The following YEATS2 variants were observed in gnomAD, a reference collection of about 807,000 sequenced individuals.
YEATS2 encodes YEATS domain containing 2, also known as YEATS domain-containing protein 2.
A neutral mutation model predicts 163.2 loss-of-function variants in YEATS2; 77 were observed. The ratio of observed to expected loss-of-function variants is 0.47; its 90% CI spans 0.39 to 0.57. YEATS2 has a LOEUF of 0.57. Among genes scored for constraint, YEATS2 ranks in the 20% least tolerant of loss-of-function variants. YEATS2 has a pLI of 0.00. For synonymous variants in YEATS2, 631 were observed against 645.1 expected (o/e 0.98, Z 0.33); for missense variants, 1,549 against 1,729.8 (o/e 0.90, Z 1.85).
At chr3:183,802,882 A>C (rs1037905253) in intron 25 of YEATS2, 1 of 173,080 alleles carries the variant, frequency 5.8e-6, no homozygotes, top group Admixed American at 6.1e-5. Flanking sequence ...GTGAGCTGAG[A>C]TCACATCACC....
chr3:183,798,695 T>C (rs746485236), intron 22 of YEATS2, among the ~76,000 whole-genome samples, 196 bp from the exon 23 acceptor site: 1 of 152,192 alleles, frequency 6.6e-6, no homozygotes, highest in Non-Finnish European at 1.5e-5. Flanking sequence ...CTCCCGTTTC[T>C]ACAGTTGAAG....
chr3:183,803,027 C>A, intron 25 of YEATS2: 1 of 549,712 alleles, frequency 1.8e-6, no homozygotes, highest in South Asian at 2.3e-5. Context: ...ACCTTCTCTA[C>A]CAAAGAAGCA....
rs761158296 is a variant in YEATS2 at position 183,752,154 on chromosome 3, G to A, written c.1051G>A (p.Ala351Thr). The stretch of plus-strand genomic sequence containing the variant: ...GTCCTCGGAGTCTGACATCTCTGAT[G>A]CCCCTCCATCTTTGCCTTTGACCAT... ...PQSSESDISDAPPSLPLTIPA... is the reference protein window; with the variant it reads ...PQSSESDISDTPPSLPLTIPA... The change falls in exon 10 of 31, where the codon GCC becomes ACC. Residue 351 changes from alanine (A) to threonine (T), a missense_variant. Physicochemically the swap from Ala to Thr is moderately conservative, Grantham distance 58. Coordinates refer to ENST00000305135, the MANE Select transcript of YEATS2 (RefSeq NM_018023.5). 5 of 1,613,956 alleles carry A rather than the reference G, an allele frequency of 3.1e-6. No individual in the cohort carries two copies. The highest frequency in any genetic ancestry group is 3.3e-5 in the Admixed American group (2 of 59,994).
At position 183,751,687 on chromosome 3, in the gene YEATS2, C is replaced by T. The variant is rs941999932; in HGVS notation, c.970-386C>T. 2.0e-5 allele frequency among the ~76,000 whole-genome samples: 3 copies of T among 152,226 alleles called. No homozygotes were observed. In the East Asian group the frequency reaches 5.8e-4, roughly 29 times the overall value. ...GAGTAGCTGGGGGATAAGGAAGTAG[C>T]TTATTCTTGGGTGGTTAGGCATGGT... On this transcript the variant is annotated intron_variant, in intron 9 of 30. Transcript: ENST00000305135.
At chr3:183,749,573 A>G (rs1719941389) in intron 9 of YEATS2, among the ~76,000 whole-genome samples, 1 of 152,132 alleles carries the variant, frequency 6.6e-6, no homozygotes, top group South Asian at 2.1e-4. Flanking sequence ...CGCTTTGCAT[A>G]ATGTCCTCAG....
chr3:183,793,343 T>G, intron 21 of YEATS2: 2 of 1,092,762 alleles, frequency 1.8e-6, no homozygotes, highest in Non-Finnish European at 2.3e-6. Context: ...GCTGATTATA[T>G]TTTTCTCTTG....
intron 25 of YEATS2, 33 bp from the exon 26 acceptor site, chr3:183,803,223 T>G: frequency 6.2e-7 from 1 of 1,606,570 alleles, no homozygotes. Context: ...CGTAAGAGCT[T>G]TATTCAGGCT....
At chr3:183,806,469 C>T in intron 27 of YEATS2, 1 of 455,862 alleles carries the variant, frequency 2.2e-6, no homozygotes, top group Non-Finnish European at 4.4e-6. Context: ...AACAGTCCTG[C>T]TCTCTGAGCA....
intron 8 of YEATS2, among the ~76,000 whole-genome samples, chr3:183,740,357 T>G (rs1043433651): frequency 2.6e-4 from 40 of 152,318 alleles, no homozygotes; most frequent in African/African-American, 9.4e-4. Flanking sequence ...GAAAAAATGT[T>G]CATCATCACT....
At position 183,796,668 on chromosome 3, in the gene YEATS2, A is replaced by G. The variant is rs373455689; in HGVS notation, c.3098-1255A>G. 3.3e-5 allele frequency among the ~76,000 whole-genome samples: 5 copies of G among 151,768 alleles called. No individual in the cohort carries two copies. In the East Asian group the frequency reaches 9.6e-4, roughly 29 times the overall value. On this transcript the variant is annotated intron_variant, in intron 21 of 30. Coordinates refer to ENST00000305135, the MANE Select transcript of YEATS2 (RefSeq NM_018023.5). The stretch of plus-strand genomic sequence containing the variant: ...CTAATTTTGGAAATACGTTTTAGGC[A>G]GTCAGGAGCCAGCATAGGTTTTTAA...
chr3:183,797,452 G>A (rs1725259647), intron 21 of YEATS2, among the ~76,000 whole-genome samples: 1 of 151,928 alleles, frequency 6.6e-6, no homozygotes. Flanking sequence ...AGCTGAGACA[G>A]GAGGATCACT....
Position 183,749,826 on chromosome 3 carries a change from T to C in YEATS2, c.969+2110T>C, listed in dbSNP as rs374148732. Among the ~76,000 whole-genome samples, 12 of 152,104 alleles carry C rather than the reference T, an allele frequency of 7.9e-5. No individual in the cohort carries two copies. In the East Asian group the frequency reaches 2.3e-3, roughly 29 times the overall value. Reference sequence around the variant, plus strand: ...ATTTACTTACTCGTTTATTTATTTATTTATTTTTTGAGATGGAGTCTCGCT... The same window carrying C: ...ATTTACTTACTCGTTTATTTATTTACTTATTTTTTGAGATGGAGTCTCGCT... On this transcript the variant is annotated intron_variant, in intron 9 of 30. Transcript: ENST00000305135.
intron 1 of YEATS2, among the ~76,000 whole-genome samples, chr3:183,703,425 C>T (rs139133361): frequency 9.2e-5 from 14 of 152,164 alleles, no homozygotes; most frequent in Non-Finnish European, 2.1e-4. Flanking sequence ...CCTAGAGTTC[C>T]CTTGGTCTGA....
At chr3:183,700,874 T>C (rs981848439) in intron 1 of YEATS2, among the ~76,000 whole-genome samples, 3 of 149,842 alleles carry the variant, frequency 2.0e-5, no homozygotes, top group Non-Finnish European at 4.4e-5. Context: ...ACACAAAAAG[T>C]AGTTGCCAGG....
rs145695473 is a variant in YEATS2 at position 183,810,400 on chromosome 3, A to G, written c.4161-75A>G. The G allele has an allele frequency of 1.4e-3, 1,923 of 1,357,978 alleles. 14 individuals carry two copies. In the African/African-American group the frequency reaches 0.017, roughly 12 times the overall value. The allele number at this position is 1,357,978 out of a possible 1,614,324, so 84.1% of individuals were successfully genotyped here. ...GCCTCTGCCTGGGATGGTCCCTGTG[A>G]TGAGTTAAGTGAATAAATGATGAGA... On this transcript the variant is annotated intron_variant, in intron 30 of 30. Coordinates refer to ENST00000305135, the MANE Select transcript of YEATS2 (RefSeq NM_018023.5).
chr3:183,730,772 A>G (rs1036280604), intron 7 of YEATS2, among the ~76,000 whole-genome samples: 5 of 152,140 alleles, frequency 3.3e-5, no homozygotes, highest in Admixed American at 6.5e-5. Flanking sequence ...CATTCTTAAC[A>G]TCCATATAGA....
intron 9 of YEATS2, among the ~76,000 whole-genome samples, 186 bp downstream of exon 9, chr3:183,747,902 C>T (rs1449998517): frequency 6.6e-6 from 1 of 151,840 alleles, no homozygotes; most frequent in Non-Finnish European, 1.5e-5. Context: ...ACCTCAGCCT[C>T]CCGAGTAGCT....
At chr3:183,774,988 C>CTG (rs1431814761) in intron 17 of YEATS2, among the ~76,000 whole-genome samples, 2 of 152,138 alleles carry the variant, frequency 1.3e-5, no homozygotes, top group African/African-American at 2.4e-5. Context: ...CCAATAATCA[C>CTG]TGGAATGAAG....
At chr3:183,809,365 C>T (rs933984008) in intron 30 of YEATS2, 195 bp downstream of exon 30, 1 of 552,870 alleles carries the variant, frequency 1.8e-6, no homozygotes, top group Non-Finnish European at 3.2e-6. Flanking sequence ...AAAGCTCACT[C>T]AGCTTTGCTC....
Sources: allele counts gnomAD v4.1 joint callset (sites outside exome capture counted in the v4.1 genomes callset), GRCh38; gene constraint gnomAD v4.1.1; transcripts MANE v1.5; gene names NCBI Gene and HGNC (gene_info 2026-07-23, HGNC 2026-07-21).